The following SYTL3 variants were observed in gnomAD, a reference collection of about 807,000 sequenced individuals.
SYTL3 encodes synaptotagmin-like protein 3.
SYTL3 carries 88 observed loss-of-function variants against 82.1 expected under a neutral mutation model. The ratio of observed to expected loss-of-function variants is 1.07; its 90% confidence interval spans 0.90 to 1.28. The LOEUF is 1.28. Ranked by LOEUF, SYTL3 falls within the 50% of genes most tolerant of loss-of-function variation. SYTL3 has a pLI of 0.00. For missense variants in SYTL3, 831 were observed against 757.6 expected, an observed-to-expected ratio of 1.10 and a Z score of -1.14; for synonymous variants, 311 against 289.4, an observed-to-expected ratio of 1.07 and a Z score of -0.76.
chr6:158,736,897 G>A (rs1353911967), intron 11 of SYTL3, among the ~76,000 whole-genome samples: 1 of 151,984 alleles, frequency 6.6e-6, no homozygotes, highest in African/African-American at 2.4e-5. Flanking sequence ...GAGGGGATTT[G>A]ATAAGGGAGG....
At chr6:158,744,292 TTC>T (rs796161127) in intron 11 of SYTL3, among the ~76,000 whole-genome samples, 2,494 of 135,538 alleles carry the variant, frequency 0.018, 42 homozygotes, top group African/African-American at 0.054. Flanking sequence ...TGTTTTTTTT[TTC>T]TTTTTCTTTC....
chr6:158,666,026 A>G (rs989393233), intron 5 of SYTL3, among the ~76,000 whole-genome samples: 3 of 152,112 alleles, frequency 2.0e-5, no homozygotes, highest in South Asian at 4.1e-4. Context: ...TGAGAGGATC[A>G]TTTGAACCTG....
intron 8 of SYTL3, 27 bp from the exon 9 acceptor site, chr6:158,713,773 C>T: frequency 6.7e-7 from 1 of 1,491,962 alleles, no homozygotes. Context: ...GCATAATTCT[C>T]ATTCTCTCCT....
chr6:158,669,792 G>A (rs1396976100), intron 5 of SYTL3, among the ~76,000 whole-genome samples: 1 of 152,218 alleles, frequency 6.6e-6, no homozygotes, highest in Non-Finnish European at 1.5e-5. Context: ...CAAAAGGGAG[G>A]TGAGCTGGAT....
At chr6:158,763,925 G>C (rs1790373449) in intron 17 of SYTL3, among the ~76,000 whole-genome samples, 1 of 152,078 alleles carries the variant, frequency 6.6e-6, no homozygotes, top group African/African-American at 2.4e-5. Context: ...CATGGTAGGT[G>C]GACAGCCCTC....
upstream of SYTL3, among the ~76,000 whole-genome samples, chr6:158,649,700 A>AT (rs1236909449): frequency 2.0e-5 from 3 of 152,202 alleles, no homozygotes; most frequent in East Asian, 3.8e-4. Flanking sequence ...GTGGTTAGTC[A>AT]TTTACACTGA....
intron 5 of SYTL3, 127 bp from the exon 6 acceptor site, chr6:158,682,798 G>A: frequency 3.0e-6 from 2 of 667,324 alleles, no homozygotes; most frequent in Non-Finnish European, 5.3e-6. Context: ...GTTTAAGCCA[G>A]GAAATTGATT....
rs1789951127 is a variant in SYTL3 at position 158,665,593 on chromosome 6, C to A, written c.309C>A (p.Cys103Ter). 3 of 1,569,304 alleles carry A rather than the reference C, an allele frequency of 1.9e-6. No homozygotes were observed. Among genetic ancestry groups the A allele is most frequent in the Non-Finnish European group, 2.6e-6 (3 of 1,156,720 alleles). The change falls in exon 5 of 18, where the codon TGC becomes TGA. Residue 103 changes from cysteine to a stop codon, truncating the protein, a stop_gained. Coordinates refer to ENST00000611299, the MANE Select transcript of SYTL3 (RefSeq NM_001242394.2). LOFTEE classifies it high-confidence loss of function. ...VFLRGTHAWKCTVCFEDRNVK... is the reference protein window; with the variant it reads ...VFLRGTHAWK ...TGAGGGGGACCCATGCCTGGAAGTG[C>A]ACGGTGTGCTTCGAGGACAGGTAAG...
chr6:158,745,611 C>T lies in SYTL3; in HGVS notation c.987C>T (p.Ala329=), dbSNP rs905324582. The part of the protein sequence containing the change: ...KTHSLEICIK[A]CKNLAYGEEK... ...ATTCTTTAGAAATATGCATCAAGGC[C>T]TGTAAGAACCTTGCCTATGGAGAAG... The change falls in exon 12 of 18, where the codon GCC becomes GCT. Residue 329 remains alanine (A), a synonymous_variant. Transcript: ENST00000611299. 2 of 1,611,554 alleles carry T rather than the reference C, an allele frequency of 1.2e-6. No homozygotes were observed. Among genetic ancestry groups the T allele is most frequent in the African/African-American group, 2.7e-5 (2 of 74,652 alleles).
chr6:158,645,955 A>G (rs577214727), upstream of SYTL3, among the ~76,000 whole-genome samples: 6 of 151,968 alleles, frequency 3.9e-5, no homozygotes, highest in Non-Finnish European at 7.4e-5. Context: ...CATCCTGTAC[A>G]TTTTCCTCAT....
At chr6:158,700,623 T>C (rs1443697867) in intron 6 of SYTL3, among the ~76,000 whole-genome samples, 4 of 152,104 alleles carry the variant, frequency 2.6e-5, no homozygotes, top group Non-Finnish European at 5.9e-5. Context: ...TATGTATGTA[T>C]GTATGTATTT....
intron 6 of SYTL3, among the ~76,000 whole-genome samples, chr6:158,686,809 G>A (rs948961714): frequency 2.6e-5 from 4 of 152,170 alleles, no homozygotes; most frequent in Admixed American, 6.5e-5. Context: ...GACACCCTCC[G>A]ACCCTGTTGA....
intron 11 of SYTL3, among the ~76,000 whole-genome samples, chr6:158,738,383 G>C (rs193138450): frequency 1.3e-5 from 2 of 152,074 alleles, no homozygotes; most frequent in Non-Finnish European, 2.9e-5. Flanking sequence ...CAATCCTCCT[G>C]ATAGCAAAAT....
At chr6:158,677,072 C>T (rs145050104) in intron 5 of SYTL3, among the ~76,000 whole-genome samples, 38,744 of 151,610 alleles carry the variant, frequency 0.26, 8,524 homozygotes, top group African/African-American at 0.6. Context: ...ACCCAAAGGA[C>T]TATAAATCAT....
chr6:158,646,948 T>C (rs1787517526), upstream of SYTL3, among the ~76,000 whole-genome samples: 1 of 152,184 alleles, frequency 6.6e-6, no homozygotes, highest in East Asian at 1.9e-4. Context: ...AAATCTTTTT[T>C]CTTCTGCTAC....
In SYTL3 at chr6:158,690,103, C is replaced by T. The variant is rs12192745; in HGVS notation, c.394+7114C>T. Among the ~76,000 whole-genome samples, 694 of 152,352 alleles carry T rather than the reference C, an allele frequency of 4.6e-3. 3 individuals carry two copies. Among genetic ancestry groups the T allele is most frequent in the South Asian group, 0.011 (53 of 4,826 alleles). On this transcript the variant is annotated intron_variant, in intron 6 of 17. Transcript: ENST00000611299. ...AGCGTGGGGCACCACTCTCCTTGTG[C>T]CCAGCCCTGCGCTCCAGCGGGTGCT...
At chr6:158,646,624 C>T (rs894473882), upstream of SYTL3, among the ~76,000 whole-genome samples, 2 of 152,228 alleles carry the variant, frequency 1.3e-5, no homozygotes, top group Non-Finnish European at 2.9e-5. Context: ...TGACACAAGG[C>T]TGCTTGGCCC....
chr6:158,697,277 G>A (rs1443695737), intron 6 of SYTL3, among the ~76,000 whole-genome samples: 2,331 of 94,446 alleles, frequency 0.025, 85 homozygotes, highest in African/African-American at 0.085. Context: ...CATCTCTACG[G>A]AAAAAAAAAA....
chr6:158,732,021 C>T (rs1785476729), intron 11 of SYTL3, among the ~76,000 whole-genome samples: 1 of 152,190 alleles, frequency 6.6e-6, no homozygotes, highest in African/African-American at 2.4e-5. Flanking sequence ...CTTGGACTTC[C>T]TCAAATTAGG....
Sources: allele counts gnomAD v4.1 joint callset (sites outside exome capture counted in the v4.1 genomes callset), GRCh38; gene constraint gnomAD v4.1.1; transcripts MANE v1.5; gene names NCBI Gene and HGNC (gene_info 2026-07-23, HGNC 2026-07-21).